Variants in PCDH9 observed in about 807,000 individuals in gnomAD.
PCDH9 encodes protocadherin-9.
Under a neutral mutation model 70.6 loss-of-function variants are expected in PCDH9, and 24 were observed. The observed-to-expected ratio is 0.34, with a 90% CI of 0.25 to 0.48. PCDH9 has a LOEUF of 0.48. Among genes scored for constraint, PCDH9 ranks in the 20% least tolerant of loss-of-function variants. The pLI, the probability that PCDH9 is intolerant of heterozygous loss-of-function variation, is 0.99. For missense variants in PCDH9, 1,281 were observed against 1,503.6 expected (o/e 0.85, Z 2.45); for synonymous variants, 562 against 558.5 (o/e 1.01, Z -0.09).
intron 3 of PCDH9, among the ~76,000 whole-genome samples, chr13:66,765,800 A>T (rs1338278388): frequency 1.3e-5 from 2 of 152,020 alleles, no homozygotes; most frequent in African/African-American, 4.8e-5. Flanking sequence ...AGAAAGAAAG[A>T]GGTGGAGCTG....
At chr13:66,904,320 T>G (rs988394452) in intron 2 of PCDH9, among the ~76,000 whole-genome samples, 32 of 152,054 alleles carry the variant, frequency 2.1e-4, no homozygotes, top group Non-Finnish European at 4.4e-4. Context: ...AATGACAGTT[T>G]TCCATATTCC....
At chr13:67,031,131 C>T (rs1278450127) in intron 2 of PCDH9, among the ~76,000 whole-genome samples, 1 of 152,070 alleles carries the variant, frequency 6.6e-6, no homozygotes, top group East Asian at 1.9e-4. Context: ...GAGTTAGCTG[C>T]CTAATTTTTT....
chr13:66,892,365 T>C (rs2082110943), intron 3 of PCDH9, among the ~76,000 whole-genome samples: 1 of 151,638 alleles, frequency 6.6e-6, no homozygotes, highest in Non-Finnish European at 1.5e-5. Context: ...AGAATGTCCA[T>C]AATAAGATGT....
At position 66,499,244 on chromosome 13, in the gene PCDH9, A is replaced by T. The variant is rs148106180; in HGVS notation, c.3340+131966T>A. Among the ~76,000 whole-genome samples the T allele has an allele frequency of 3.9e-4, 59 of 152,328 alleles. No individual in the cohort carries two copies. The East Asian group carries it at 0.011, about 27-fold the overall frequency. On this transcript the variant is annotated intron_variant, in intron 4 of 4. Transcript: ENST00000377865. ...GGGAAAAAAGAAAAGGTGATGTTAAAATGACATTTTATTTATTCTTTCCTT... is the reference window on the plus strand; with the variant it reads ...GGGAAAAAAGAAAAGGTGATGTTAATATGACATTTTATTTATTCTTTCCTT...
At chr13:66,445,282 T>C (rs1958052353) in intron 4 of PCDH9, among the ~76,000 whole-genome samples, 1 of 147,702 alleles carries the variant, frequency 6.8e-6, no homozygotes, top group Non-Finnish European at 1.5e-5. Context: ...ATAAAAAAGC[T>C]GAGTATCTTC....
chr13:66,687,185 A>G (rs1241560350), intron 3 of PCDH9, among the ~76,000 whole-genome samples: 3 of 152,200 alleles, frequency 2.0e-5, no homozygotes, highest in Non-Finnish European at 4.4e-5. Flanking sequence ...TGAAGAATGT[A>G]CTTGATTCAA....
intron 4 of PCDH9, among the ~76,000 whole-genome samples, chr13:66,359,012 T>C (rs745395648): frequency 2.8e-4 from 43 of 152,008 alleles, no homozygotes; most frequent in Non-Finnish European, 6.2e-4. Context: ...GGTGATTTCA[T>C]ACTACATTGG....
At chr13:66,966,074 T>A (rs996697286) in intron 2 of PCDH9, among the ~76,000 whole-genome samples, 1 of 152,098 alleles carries the variant, frequency 6.6e-6, no homozygotes, top group Non-Finnish European at 1.5e-5. Context: ...TTTAAAAAAA[T>A]ATGTATCATA....
At chr13:67,105,436 A>T (rs1442514191) in intron 2 of PCDH9, among the ~76,000 whole-genome samples, 2 of 152,130 alleles carry the variant, frequency 1.3e-5, no homozygotes, top group East Asian at 3.9e-4. Context: ...TTACTGGAAA[A>T]GAAGGGGTTA....
At chr13:66,553,554 T>C (rs1488862120) in intron 4 of PCDH9, among the ~76,000 whole-genome samples, 1 of 151,850 alleles carries the variant, frequency 6.6e-6, no homozygotes, top group East Asian at 1.9e-4. Flanking sequence ...AATTGGAGAG[T>C]TGGTTATGAT....
intron 2 of PCDH9, among the ~76,000 whole-genome samples, chr13:66,963,271 T>C (rs1447769014): frequency 6.6e-6 from 1 of 152,038 alleles, no homozygotes; most frequent in African/African-American, 2.4e-5. Flanking sequence ...AGCCTTGGGG[T>C]TGGAGACTCC....
chr13:66,979,815 C>G (rs979282298), intron 2 of PCDH9, among the ~76,000 whole-genome samples: 2 of 152,004 alleles, frequency 1.3e-5, no homozygotes, highest in East Asian at 3.9e-4. Flanking sequence ...CTATGTTGTA[C>G]TTGAATCTCT....
intron 4 of PCDH9, among the ~76,000 whole-genome samples, chr13:66,359,790 A>T (rs1289871280): frequency 6.6e-6 from 1 of 152,068 alleles, no homozygotes; most frequent in African/African-American, 2.4e-5. Flanking sequence ...AAGCTTAACC[A>T]TTCAGTTTAT....
intron 4 of PCDH9, among the ~76,000 whole-genome samples, chr13:66,352,260 C>T (rs961733292): frequency 1.3e-5 from 2 of 152,152 alleles, no homozygotes; most frequent in African/African-American, 4.8e-5. Context: ...ACCAAAGATA[C>T]CTCTTTTGTT....
rs1420130859 is a variant in PCDH9 at position 66,574,034 on chromosome 13, C to G, written c.3340+57176G>C. ...CTCTTATCATTTTGGACGAAATCAC[C>G]TAGGAAAACACCACCTGTCAATAAA... On this transcript the variant is annotated intron_variant, in intron 4 of 4. Transcript: ENST00000377865. Among the ~76,000 whole-genome samples, 3 of 152,252 alleles carry G rather than the reference C, an allele frequency of 2.0e-5. No individual in the cohort carries two copies. The East Asian group carries it at 5.8e-4, about 29-fold the overall frequency.
chr13:66,876,879 G>C (rs1363938072), intron 3 of PCDH9: 1 of 151,980 alleles, frequency 6.6e-6, no homozygotes, highest in Non-Finnish European at 1.5e-5. Flanking sequence ...CAGGAAATCA[G>C]ACAGCTCTCA....
intron 2 of PCDH9, among the ~76,000 whole-genome samples, chr13:67,073,396 G>C (rs2085806743): frequency 6.6e-6 from 1 of 151,636 alleles, no homozygotes; most frequent in Non-Finnish European, 1.5e-5. Context: ...AGAAAGGGAG[G>C]GTTTAAAACA....
chr13:66,983,822 T>TTTTTTG (rs1005989494), intron 2 of PCDH9, among the ~76,000 whole-genome samples: 2 of 151,936 alleles, frequency 1.3e-5, no homozygotes, highest in South Asian at 2.1e-4. Context: ...TTTTTTGTTT[T>TTTTTTG]TTTTTGTTTT....
intron 2 of PCDH9, among the ~76,000 whole-genome samples, chr13:67,058,339 A>G (rs2085463663): frequency 1.3e-5 from 2 of 152,166 alleles, no homozygotes; most frequent in Admixed American, 1.3e-4. Flanking sequence ...TCTGCAGGAT[A>G]TGATTGAACA....
Sources: allele counts gnomAD v4.1 joint callset (sites outside exome capture counted in the v4.1 genomes callset), GRCh38; gene constraint gnomAD v4.1.1; transcripts MANE v1.5; gene names NCBI Gene and HGNC (gene_info 2026-07-23, HGNC 2026-07-21).